TNPO2: variants seen among roughly 807,000 people sequenced by gnomAD.
TNPO2 encodes transportin-2.
A neutral mutation model predicts 111.1 loss-of-function variants in TNPO2; 16 were observed. The observed-to-expected ratio is 0.14, with a 90% CI of 0.10 to 0.22. The LOEUF (loss-of-function observed/expected upper bound fraction) is 0.22. TNPO2 is among the 10% of genes least tolerant of loss of function. TNPO2 has a pLI of 1.00. For synonymous variants in TNPO2, 481 were observed against 475.8 expected, an observed-to-expected ratio of 1.01 and a Z score of -0.14; for missense variants, 530 against 1,173.7, an observed-to-expected ratio of 0.45 and a Z score of 8.01.
chr19:12,708,070 C>A (rs987211918), intron 13 of TNPO2, among the ~76,000 whole-genome samples: 2 of 152,216 alleles, frequency 1.3e-5, no homozygotes, highest in Non-Finnish European at 1.5e-5. Context: ...GATTCAACCG[C>A]CTCGGCCTCC....
chr19:12,702,808 G>C lies in TNPO2; in HGVS notation c.2305+15C>G. ...GCAGGCAGGGGTGCAGGCAGCAGCC[G>C]GGCCAGGTGCCCACCTGTGTTTTCC... On this transcript the variant is annotated intron_variant, in intron 21 of 25. Coordinates refer to ENST00000425528, the MANE Select transcript of TNPO2 (RefSeq NM_001382241.1). This position sits in a 1 kb window ranked among gnomAD's most constrained non-coding sequence, Gnocchi z 5.5. 6.2e-7 allele frequency: 1 copy of C among 1,612,084 alleles called. No individual in the cohort carries two copies. The highest frequency in any genetic ancestry group is 8.5e-7 in the Non-Finnish European group (1 of 1,178,242).
rs749918375 is a variant in TNPO2, at chr19:12,703,525, G to A, written c.2112C>T (p.Ala704=). The A allele has an allele frequency of 1.7e-5, 27 of 1,613,846 alleles. No homozygotes were observed. The highest frequency in any genetic ancestry group is 1.9e-5 in the Non-Finnish European group (22 of 1,179,872). The part of the protein sequence containing the change: ...ACFIHVKPCI[A]EFMPILGTNL... ...TGGTGCCCAGAATGGGCATGAACTC[G>A]GCTGGTGGGGAGAAACAGGGGTGCT... is the stretch of plus-strand genomic sequence containing the variant. The change falls in exon 20 of 26, where the codon GCC becomes GCT. Residue 704 remains alanine (A), a splice_region_variant and synonymous_variant. Transcript: ENST00000425528.
In TNPO2 at chr19:12,718,144, A is replaced by G. The variant is rs553612943; in HGVS notation, c.325+885T>C. Among the ~76,000 whole-genome samples the G allele has an allele frequency of 2.0e-5, 3 of 151,712 alleles. No homozygotes were observed. In the South Asian group the frequency reaches 6.2e-4, roughly 32 times the overall value. On this transcript the variant is annotated intron_variant, in intron 5 of 25. Transcript: ENST00000425528. ...CTCAGCCTCCTGAGTAGCTGGGATTATAGATGTTCACCACCACGCCCAGCT... is the reference window on the plus strand; with the variant it reads ...CTCAGCCTCCTGAGTAGCTGGGATTGTAGATGTTCACCACCACGCCCAGCT...
rs1255910813 is a variant in TNPO2, at chr19:12,719,696, G to A, written c.100-360C>T. ...TGCCTCTATTCCCAACTACTTGGGA[G>A]GCTGACGCAGGGGAATCGCTTGAAC... On this transcript the variant is annotated intron_variant, in intron 3 of 25. Coordinates refer to ENST00000425528, the MANE Select transcript of TNPO2 (RefSeq NM_001382241.1). The surrounding 1 kb of genome is among the most constrained non-coding windows in gnomAD (Gnocchi z 5.0). Among the ~76,000 whole-genome samples, 1 of 152,088 alleles carries A rather than the reference G, an allele frequency of 6.6e-6. No individual in the cohort carries two copies. The highest frequency in any genetic ancestry group is 2.4e-5 in the African/African-American group (1 of 41,402).
At position 12,702,254 on chromosome 19, in the gene TNPO2, C is replaced by G; in HGVS notation, c.2306-77G>C. The stretch of plus-strand genomic sequence containing the variant: ...GGCACCAAGCCCCGCCCCATGAGCC[C>G]CAAGGGAATGGCTACTGCAGCCACC... On this transcript the variant is annotated intron_variant, in intron 21 of 25. Transcript: ENST00000425528. The surrounding 1 kb of genome is among the most constrained non-coding windows in gnomAD (Gnocchi z 5.5). The G allele has an allele frequency of 7.6e-7, 1 of 1,316,502 alleles. No homozygotes were observed. Among genetic ancestry groups the G allele is most frequent in the Non-Finnish European group, 1.1e-6 (1 of 938,086 alleles). 81.6% of individuals were successfully genotyped at this position (1,316,502 alleles called of 1,614,324 possible).
At position 12,701,174 on chromosome 19, in the gene TNPO2, C is replaced by T. The variant is rs1419523965; in HGVS notation, c.*90G>A. The T allele has an allele frequency of 1.5e-5, 9 of 584,984 alleles. No homozygotes were observed. The highest frequency in any genetic ancestry group is 2.4e-5 in the Non-Finnish European group (8 of 330,776). The allele number at this position is 584,984 out of a possible 1,614,324, so 36.2% of individuals were successfully genotyped here. A position where few individuals can be genotyped will look rare whatever the true frequency, so the allele number is the denominator to read the frequency against. ...CTCACTCCTCCCTAACCCCCCTCAA[C>T]CAGGGCACAGCGACTTCCGGATGCA... On this transcript the variant is annotated 3_prime_UTR_variant, in exon 26 of 26. Transcript: ENST00000425528. This position sits in a 1 kb window ranked among gnomAD's most constrained non-coding sequence, Gnocchi z 5.0.
chr19:12,720,117 A>G (rs897785515), intron 3 of TNPO2, among the ~76,000 whole-genome samples: 2 of 152,024 alleles, frequency 1.3e-5, no homozygotes, highest in Non-Finnish European at 2.9e-5. Context: ...CCCAGGTTCA[A>G]GCGATTCTCC....
rs892849171 is a variant in TNPO2 at position 12,706,977 on chromosome 19, C to T, written c.1271-182G>A. Among the ~76,000 whole-genome samples, 1 of 152,092 alleles carries T rather than the reference C, an allele frequency of 6.6e-6. No homozygotes were observed. Among genetic ancestry groups the T allele is most frequent in the African/African-American group, 2.4e-5 (1 of 41,374 alleles). ...GGCACAGGAGGGGAAACAACAGAAG[C>T]CTCTCATCCCAAAGCCCCGGGTTAT... On this transcript the variant is annotated intron_variant, in intron 13 of 25. Coordinates refer to ENST00000425528, the MANE Select transcript of TNPO2 (RefSeq NM_001382241.1). This position sits in a 1 kb window ranked among gnomAD's most constrained non-coding sequence, Gnocchi z 7.0.
chr19:12,703,030 C>T (rs1338265992), intron 20 of TNPO2, 112 bp from the exon 21 acceptor site: 4 of 911,850 alleles, frequency 4.4e-6, no homozygotes, highest in South Asian at 3.0e-5. Context: ...ACTGGCCAAC[C>T]ACTACCAGTG....
chr19:12,703,680 G>T, intron 19 of TNPO2, 34 bp downstream of exon 19: 1 of 1,602,026 alleles, frequency 6.2e-7, no homozygotes, highest in South Asian at 1.1e-5. Context: ...GCCGGGGCTG[G>T]GGTCATGGGT....
In TNPO2 at chr19:12,708,983, G is replaced by A. The variant is rs896136998; in HGVS notation, c.1270+1638C>T. Among the ~76,000 whole-genome samples the A allele has an allele frequency of 2.6e-5, 4 of 151,520 alleles. No homozygotes were observed. In the Admixed American group the frequency reaches 2.6e-4, roughly 10 times the overall value. On this transcript the variant is annotated intron_variant, in intron 13 of 25. Coordinates refer to ENST00000425528, the MANE Select transcript of TNPO2 (RefSeq NM_001382241.1). ...CCGGGAGGCAGAATGTTGTTGCAGT[G>A]AGCCAAGATCACACCACTGCACTCC... is the stretch of plus-strand genomic sequence containing the variant.
Position 12,701,631 on chromosome 19 carries a change from G to C in TNPO2, c.2553C>G (p.Ser851Arg). Residue 851 changes from serine (S) to arginine (R), a missense_variant, in exon 24 of 26, where the codon AGC becomes AGG. Ser to Arg is a moderately radical substitution (Grantham distance 110). This residue lies in a region of TNPO2 where 103 missense variants were observed against 156.7 expected (regional missense o/e 0.66). Coordinates refer to ENST00000425528, the MANE Select transcript of TNPO2 (RefSeq NM_001382241.1). This position sits in a 1 kb window ranked among gnomAD's most constrained non-coding sequence, Gnocchi z 5.0. Reference protein sequence around the residue: ...FFCDAVASWVSPKDDLRDMFY... With the variant: ...FFCDAVASWVRPKDDLRDMFY... The stretch of plus-strand genomic sequence containing the variant: ...ACATGTCCCGAAGGTCATCCTTCGG[G>C]CTCACCCAGGAGGCTACAGCATCGC... 6.2e-7 allele frequency: 1 copy of C among 1,613,812 alleles called. No individual in the cohort carries two copies. The highest frequency in any genetic ancestry group is 1.1e-5 in the South Asian group (1 of 91,068).
rs929080953 is a variant in TNPO2 at position 12,701,113 on chromosome 19, C to T, written c.*151G>A. On this transcript the variant is annotated 3_prime_UTR_variant, in exon 26 of 26. Transcript: ENST00000425528. The surrounding 1 kb of genome is among the most constrained non-coding windows in gnomAD (Gnocchi z 5.0). ...GCAAGTGGACGGATGGACGGACGGA[C>T]GGACGGACGGGGAAGGCATCTGGAT... 1.3e-5 allele frequency: 6 copies of T among 478,130 alleles called. No individual in the cohort carries two copies. Among genetic ancestry groups the T allele is most frequent in the East Asian group, 3.4e-5 (1 of 29,240 alleles). 29.6% of individuals were successfully genotyped at this position (478,130 alleles called of 1,614,324 possible).
chr19:12,714,908 T>C lies in TNPO2; in HGVS notation c.803A>G (p.Glu268Gly), dbSNP rs1210170730. The C allele has an allele frequency of 6.2e-7, 1 of 1,613,644 alleles. No individual in the cohort carries two copies. Among genetic ancestry groups the C allele is most frequent in the East Asian group, 2.2e-5 (1 of 44,874 alleles). ...CTCACAGGCCTCAAGGGCAACGTTC[T>C]CATCATGGTCCTGGGTCCTCTGCAG... ...YMLQRTQDHD[E>G]NVALEACEFW... is the part of the protein sequence containing the mutation. The change falls in exon 10 of 26, where the codon GAG becomes GGG. Residue 268 changes from glutamate to glycine, a missense_variant. Around this residue, in one of 4 missense-constraint regions of TNPO2, gnomAD observed 156 missense variants for 405.8 expected, o/e 0.38. Coordinates refer to ENST00000425528, the MANE Select transcript of TNPO2 (RefSeq NM_001382241.1).
chr19:12,706,394 G>A lies in TNPO2; in HGVS notation c.1497-27C>T, dbSNP rs2025665723. ...TGGTGGGAGGGAGGATGAAGCGGGG[G>A]CTCAGTGGACCATGGCAGGTGACAC... is the stretch of plus-strand genomic sequence containing the variant. On this transcript the variant is annotated intron_variant, in intron 14 of 25. Coordinates refer to ENST00000425528, the MANE Select transcript of TNPO2 (RefSeq NM_001382241.1). The surrounding 1 kb of genome is among the most constrained non-coding windows in gnomAD (Gnocchi z 7.0). The A allele has an allele frequency of 6.2e-7, 1 of 1,613,812 alleles. No individual in the cohort carries two copies. Among genetic ancestry groups the A allele is most frequent in the Non-Finnish European group, 8.5e-7 (1 of 1,179,924 alleles).
chr19:12,720,077 C>A (rs1276048947), intron 3 of TNPO2, among the ~76,000 whole-genome samples: 1 of 151,994 alleles, frequency 6.6e-6, no homozygotes, highest in Non-Finnish European at 1.5e-5. Context: ...AGTGCAGTGG[C>A]ACGATCTCCG....
rs1385625920 is a variant in TNPO2 at position 12,706,295 on chromosome 19, A to T, written c.1569T>A (p.Leu523=). 6.2e-7 allele frequency: 1 copy of T among 1,613,886 alleles called. No individual in the cohort carries two copies. Among genetic ancestry groups the T allele is most frequent in the Non-Finnish European group, 8.5e-7 (1 of 1,179,888 alleles). The part of the protein sequence containing the change: ...VPYLSYILDT[L]VFAFGKYQHK... The stretch of plus-strand genomic sequence containing the variant: ...GCTGGTATTTCCCAAAGGCAAAGAC[A>T]AGGGTGTCCAGGATGTAGCTGAGGT... Residue 523 remains leucine (L), a synonymous_variant, in exon 15 of 26, where the codon CTT becomes CTA. Coordinates refer to ENST00000425528, the MANE Select transcript of TNPO2 (RefSeq NM_001382241.1). This position sits in a 1 kb window ranked among gnomAD's most constrained non-coding sequence, Gnocchi z 7.0.
Position 12,710,791 on chromosome 19 carries a change from A to G in TNPO2, c.1118-18T>C. The G allele has an allele frequency of 1.3e-6, 2 of 1,599,924 alleles. No individual in the cohort carries two copies. Among genetic ancestry groups the G allele is most frequent in the Non-Finnish European group, 1.7e-6 (2 of 1,172,866 alleles). ...GCACTTCCCTGGGGAAGGGGGAACA[A>G]TGGGGAGGCTCAGGGCGGCCCCTCA... On this transcript the variant is annotated intron_variant, in intron 12 of 25. Coordinates refer to ENST00000425528, the MANE Select transcript of TNPO2 (RefSeq NM_001382241.1).
intron 10 of TNPO2, among the ~76,000 whole-genome samples, chr19:12,713,550 C>A (rs1256937170): frequency 2.0e-5 from 3 of 151,974 alleles, no homozygotes; most frequent in Non-Finnish European, 4.4e-5. Context: ...GTGACTCACG[C>A]CTGTAATCCT....
Sources: gnomAD v4.1 joint callset for allele counts (sites outside exome capture counted in the v4.1 genomes callset) on GRCh38, gnomAD v4.1.1 for gene constraint, gnomAD v4.1.1 regional missense constraint, Gnocchi (gnomAD v3.1) non-coding constraint, MANE v1.5 for transcripts, NCBI Gene and HGNC (gene_info 2026-07-23, HGNC 2026-07-21) for gene names.